Variants in EPN2 observed in about 807,000 individuals in gnomAD.
EPN2 encodes the protein epsin 2.
Under a neutral mutation model 61.7 loss-of-function variants are expected in EPN2, and 34 were observed. The observed-to-expected ratio is 0.55, with a 90% CI of 0.42 to 0.73. The LOEUF is 0.73. Among genes scored for constraint, EPN2 ranks in the 30% least tolerant of loss-of-function variants. The pLI, the probability that EPN2 is intolerant of heterozygous loss-of-function variation, is 0.00. For synonymous variants in EPN2, 349 were observed against 353.6 expected (o/e 0.99, Z 0.15); for missense variants, 714 against 839.2 (o/e 0.85, Z 1.84).
chr17:19,315,510 A>G (rs1317024263), intron 7 of EPN2, among the ~76,000 whole-genome samples: 6 of 151,450 alleles, frequency 4.0e-5, no homozygotes, highest in Admixed American at 3.9e-4. Context: ...CTTTTTTTTG[A>G]GACAGTCTCA....
chr17:19,321,980 G>C (rs962020468), intron 7 of EPN2, among the ~76,000 whole-genome samples: 2 of 152,228 alleles, frequency 1.3e-5, no homozygotes, highest in African/African-American at 4.8e-5. Flanking sequence ...CAGGGGGTTA[G>C]AGTGAGGGCT....
intron 4 of EPN2, among the ~76,000 whole-genome samples, chr17:19,287,725 C>A (rs1452455128): frequency 6.6e-6 from 1 of 152,134 alleles, no homozygotes; most frequent in Non-Finnish European, 1.5e-5. Flanking sequence ...GGACTGCAGA[C>A]CCCACAGAGG....
intron 7 of EPN2, among the ~76,000 whole-genome samples, chr17:19,315,232 C>T (rs1444083935): frequency 2.0e-5 from 3 of 152,208 alleles, no homozygotes; most frequent in African/African-American, 7.2e-5. Flanking sequence ...AGGGCTGTGC[C>T]CTGGACCCAG....
At chr17:19,294,772 A>G (rs2045498381) in intron 4 of EPN2, among the ~76,000 whole-genome samples, 1 of 152,144 alleles carries the variant, frequency 6.6e-6, no homozygotes, top group African/African-American at 2.4e-5. Context: ...TTCTCAAATG[A>G]GAATCTCTGG....
chr17:19,297,987 TG>T (rs940110176), intron 4 of EPN2, among the ~76,000 whole-genome samples: 1 of 152,150 alleles, frequency 6.6e-6, no homozygotes, highest in Non-Finnish European at 1.5e-5. Context: ...GCGATTCTTT[TG>T]CCCCAGCCTC....
intron 4 of EPN2, among the ~76,000 whole-genome samples, chr17:19,293,676 C>T (rs986121992): frequency 6.6e-6 from 1 of 151,776 alleles, no homozygotes; most frequent in Non-Finnish European, 1.5e-5. Flanking sequence ...TACAGGCATG[C>T]AGGCACAAGC....
At chr17:19,278,747 G>A (rs2045333028) in intron 1 of EPN2, among the ~76,000 whole-genome samples, 1 of 152,168 alleles carries the variant, frequency 6.6e-6, no homozygotes, top group African/African-American at 2.4e-5. Flanking sequence ...CTCCTGGGTT[G>A]AAGCGATTCT....
At chr17:19,310,090 T>C in intron 5 of EPN2, 93 bp downstream of exon 5, 3 of 848,714 alleles carry the variant, frequency 3.5e-6, no homozygotes, top group Admixed American at 3.9e-5. Context: ...CACAGCCCTG[T>C]CTTCAAAACA....
At chr17:19,306,576 C>T (rs141351012) in intron 4 of EPN2, among the ~76,000 whole-genome samples, 9 of 152,318 alleles carry the variant, frequency 5.9e-5, no homozygotes, top group South Asian at 2.1e-4. Context: ...TTATGGTAGA[C>T]GTAAACATGT....
At chr17:19,295,583 A>C (rs764752382) in intron 4 of EPN2, among the ~76,000 whole-genome samples, 3 of 152,160 alleles carry the variant, frequency 2.0e-5, no homozygotes, top group Non-Finnish European at 4.4e-5. Context: ...AATTCCAGAA[A>C]TATAGGAATG....
At chr17:19,265,841 G>T (rs2045192014) in intron 1 of EPN2, among the ~76,000 whole-genome samples, 1 of 152,104 alleles carries the variant, frequency 6.6e-6, no homozygotes, top group Non-Finnish European at 1.5e-5. Context: ...CCTTCGTCTG[G>T]AACCTCTCCA....
rs916010364 is a variant in EPN2 at position 19,285,459 on chromosome 17, G to T, written c.596-161G>T. ...CTCAGACCTTACGCTTGAGCTGCAT[G>T]TTCAGGGTCAGAATGTGGTCAGTGG... On this transcript the variant is annotated intron_variant, in intron 3 of 10. Transcript: ENST00000314728. The surrounding 1 kb of genome is among the most constrained non-coding windows in gnomAD (Gnocchi z 4.5). 2.6e-5 allele frequency among the ~76,000 whole-genome samples: 4 copies of T among 152,256 alleles called. No homozygotes were observed. Among genetic ancestry groups the T allele is most frequent in the African/African-American group, 4.8e-5 (2 of 41,468 alleles).
intron 1 of EPN2, among the ~76,000 whole-genome samples, chr17:19,256,453 A>G (rs1372588355): frequency 6.6e-6 from 1 of 151,192 alleles, no homozygotes; most frequent in Non-Finnish European, 1.5e-5. Flanking sequence ...GTTCCTTAAC[A>G]ATTTGGATGT....
At chr17:19,265,308 G>T (rs1403338899) in intron 1 of EPN2, among the ~76,000 whole-genome samples, 2 of 151,210 alleles carry the variant, frequency 1.3e-5, no homozygotes, top group African/African-American at 4.9e-5. Flanking sequence ...TGCCTGGGAG[G>T]TCCAGGCTGT....
chr17:19,325,105 C>T (rs143221208), intron 7 of EPN2, among the ~76,000 whole-genome samples: 59 of 152,292 alleles, frequency 3.9e-4, no homozygotes, highest in African/African-American at 8.9e-4. Context: ...GGTATGGAAT[C>T]GGTATTTAAA....
Position 19,336,675 on chromosome 17 carries a change from CTTAT to C in EPN2, c.*2425_*2428del, listed in dbSNP as rs1907475770. The C allele has an allele frequency of 6.5e-6, 1 of 152,730 alleles. No individual in the cohort carries two copies. Among genetic ancestry groups the C allele is most frequent in the Admixed American group, 6.5e-5 (1 of 15,304 alleles). 9.5% of individuals were successfully genotyped at this position (152,730 alleles called of 1,614,324 possible). ...TTTGAACTTGTGTTGACTGTTGATACTTATTTACTGTATAAATATAATTTATCAT... is the reference window on the plus strand; with the variant it reads ...TTTGAACTTGTGTTGACTGTTGATACTTACTGTATAAATATAATTTATCAT... On this transcript the variant is annotated 3_prime_UTR_variant, in exon 11 of 11. Transcript: ENST00000314728.
intron 8 of EPN2, 197 bp downstream of exon 8, chr17:19,329,084 T>C: frequency 3.8e-6 from 2 of 530,766 alleles, no homozygotes; most frequent in Non-Finnish European, 6.6e-6. Flanking sequence ...CCAGGCTTTG[T>C]GCGCTGGTAC....
intron 1 of EPN2, among the ~76,000 whole-genome samples, chr17:19,252,837 G>A (rs888620538): frequency 1.3e-5 from 2 of 152,140 alleles, no homozygotes; most frequent in Non-Finnish European, 2.9e-5. Flanking sequence ...CTACAGGTGC[G>A]TGTCACCATC....
chr17:19,259,184 C>A (rs893077945), intron 1 of EPN2, among the ~76,000 whole-genome samples: 18 of 152,130 alleles, frequency 1.2e-4, no homozygotes, highest in African/African-American at 4.1e-4. Flanking sequence ...TATGGAAATA[C>A]AATTTGGAAT....
Sources: gnomAD v4.1 joint callset for allele counts (sites outside exome capture counted in the v4.1 genomes callset) on GRCh38, gnomAD v4.1.1 for gene constraint, Gnocchi (gnomAD v3.1) non-coding constraint, MANE v1.5 for transcripts, NCBI Gene and HGNC (gene_info 2026-07-23, HGNC 2026-07-21) for gene names.